Variants in CNTNAP2 observed in about 807,000 individuals in gnomAD.
CNTNAP2 encodes contactin associated protein 2, also known as contactin-associated protein-like 2.
Under a neutral mutation model 155.2 loss-of-function variants are expected in CNTNAP2, and 98 were observed. The ratio of observed to expected loss-of-function variants is 0.63; its 90% CI spans 0.54 to 0.75. CNTNAP2 has a LOEUF of 0.75. Ranked by LOEUF, CNTNAP2 falls within the 30% of genes least tolerant of loss-of-function variation. The probability of loss-of-function intolerance (pLI) is 0.00; values close to 1 mark genes in which losing one functional copy is unlikely to be tolerated. For missense variants in CNTNAP2, 1,727 were observed against 1,688.1 expected, an observed-to-expected ratio of 1.02 and a Z score of -0.40; for synonymous variants, 651 against 631.2, an observed-to-expected ratio of 1.03 and a Z score of -0.47.
At chr7:147,206,141 G>A (rs975018495) in intron 8 of CNTNAP2, among the ~76,000 whole-genome samples, 1 of 151,494 alleles carries the variant, frequency 6.6e-6, no homozygotes, top group Admixed American at 6.6e-5. Flanking sequence ...AAAAAGAAAC[G>A]TAAAAACTTC....
intron 8 of CNTNAP2, among the ~76,000 whole-genome samples, chr7:147,220,792 C>T (rs1260214511): frequency 1.3e-5 from 2 of 152,082 alleles, no homozygotes; most frequent in Admixed American, 1.3e-4. Context: ...TCGGCTCTCT[C>T]AACCTCCACC....
intron 1 of CNTNAP2, among the ~76,000 whole-genome samples, chr7:146,324,221 G>A (rs147897154): frequency 2.7e-4 from 41 of 152,180 alleles, no homozygotes; most frequent in African/African-American, 8.9e-4. Context: ...GAGATGGAAC[G>A]ATTACACTTC....
intron 15 of CNTNAP2, among the ~76,000 whole-genome samples, chr7:148,102,686 T>G (rs1804126732): frequency 6.6e-6 from 1 of 152,224 alleles, no homozygotes; most frequent in African/African-American, 2.4e-5. Flanking sequence ...TGCCGCCATT[T>G]TGGATTGCAG....
chr7:146,953,166 A>G (rs1797357624), intron 3 of CNTNAP2, among the ~76,000 whole-genome samples: 1 of 152,062 alleles, frequency 6.6e-6, no homozygotes, highest in Non-Finnish European at 1.5e-5. Flanking sequence ...TGAGTAATCA[A>G]TAGCAGGTGA....
chr7:146,480,676 T>A (rs812413), intron 1 of CNTNAP2, among the ~76,000 whole-genome samples: 100,336 of 125,120 alleles, frequency 0.8, 38,046 homozygotes, highest in East Asian at 0.94. Context: ...ATATATATAT[T>A]TTTTTTTTTC....
intron 8 of CNTNAP2, among the ~76,000 whole-genome samples, chr7:147,194,983 G>T (rs1414344692): frequency 2.6e-5 from 4 of 152,168 alleles, no homozygotes; most frequent in Admixed American, 1.3e-4. Flanking sequence ...TTTTTGTCAT[G>T]AAGTCTTTGC....
chr7:147,961,663 G>T (rs563037172), intron 14 of CNTNAP2, among the ~76,000 whole-genome samples: 1 of 152,280 alleles, frequency 6.6e-6, no homozygotes, highest in South Asian at 2.1e-4. Context: ...AGCTTGAACA[G>T]ATTAGTTATT....
chr7:146,949,805 C>G (rs1004794400), intron 3 of CNTNAP2, among the ~76,000 whole-genome samples: 2 of 152,146 alleles, frequency 1.3e-5, no homozygotes, highest in Non-Finnish European at 2.9e-5. Flanking sequence ...TAACATTTCT[C>G]CCTGTTCAAG....
chr7:147,091,763 G>A (rs1800412580), intron 4 of CNTNAP2, among the ~76,000 whole-genome samples: 1 of 151,980 alleles, frequency 6.6e-6, no homozygotes, highest in East Asian at 1.9e-4. Flanking sequence ...CCTCCATCAT[G>A]CCCGGCTATT....
chr7:147,942,287 G>A (rs57288916), intron 14 of CNTNAP2, among the ~76,000 whole-genome samples: 4 of 152,164 alleles, frequency 2.6e-5, no homozygotes, highest in Admixed American at 2.0e-4. Context: ...AGCTGCCAAT[G>A]CTGATCAATT....
chr7:147,738,656 T>C (rs1796899946), intron 13 of CNTNAP2, among the ~76,000 whole-genome samples: 1 of 57,682 alleles, frequency 1.7e-5, no homozygotes, highest in East Asian at 6.4e-3. Flanking sequence ...ATAACTTTTT[T>C]TTTTTATTTT....
intron 19 of CNTNAP2, among the ~76,000 whole-genome samples, chr7:148,221,060 C>T (rs577224321): frequency 6.6e-6 from 1 of 152,218 alleles, no homozygotes; most frequent in East Asian, 1.9e-4. Flanking sequence ...CAACTGTATT[C>T]GCTACCTCAC....
At chr7:146,213,067 T>A (rs12703791) in intron 1 of CNTNAP2, among the ~76,000 whole-genome samples, 29,895 of 152,158 alleles carry the variant, frequency 0.2, 3,407 homozygotes, top group Middle Eastern at 0.3. Context: ...CTGAATTTTA[T>A]CAACGACTGG....
intron 14 of CNTNAP2, among the ~76,000 whole-genome samples, chr7:147,922,818 A>G (rs1800307849): frequency 6.6e-6 from 1 of 152,228 alleles, no homozygotes; most frequent in Non-Finnish European, 1.5e-5. Context: ...TTGAATTGTT[A>G]GTAAAGAGAG....
intron 1 of CNTNAP2, among the ~76,000 whole-genome samples, chr7:146,264,347 A>C (rs1311834448): frequency 6.6e-6 from 1 of 151,980 alleles, no homozygotes; most frequent in Non-Finnish European, 1.5e-5. Context: ...AGCTCCTCAG[A>C]GGCTGAGACA....
intron 2 of CNTNAP2, among the ~76,000 whole-genome samples, chr7:146,797,602 AAAAG>A (rs761774222): frequency 2.6e-5 from 4 of 152,220 alleles, no homozygotes; most frequent in Admixed American, 6.5e-5. Context: ...GGGTAGAAGA[AAAAG>A]AAAGCAGATT....
chr7:146,213,316 A>G (rs1363619333), intron 1 of CNTNAP2, among the ~76,000 whole-genome samples: 2 of 152,192 alleles, frequency 1.3e-5, no homozygotes, highest in Admixed American at 1.3e-4. Context: ...TCTGAGTGGA[A>G]GCCTTGGCTA....
At chr7:147,450,631 T>TA (rs988219722) in intron 10 of CNTNAP2, among the ~76,000 whole-genome samples, 1 of 152,246 alleles carries the variant, frequency 6.6e-6, no homozygotes, top group African/African-American at 2.4e-5. Flanking sequence ...TCAGCCTTTA[T>TA]AAATGACTCC....
chr7:146,229,531 C>T (rs1799349486), intron 1 of CNTNAP2, among the ~76,000 whole-genome samples: 2 of 152,020 alleles, frequency 1.3e-5, no homozygotes, highest in Admixed American at 1.3e-4. Flanking sequence ...GCCTAGGTTA[C>T]AAGGTAATCC....
Sources: allele counts gnomAD v4.1 joint callset (sites outside exome capture counted in the v4.1 genomes callset), GRCh38; gene constraint gnomAD v4.1.1; transcripts MANE v1.5; gene names NCBI Gene and HGNC (gene_info 2026-07-23, HGNC 2026-07-21).